Variants in TBCK observed in about 807,000 individuals in gnomAD.
The protein encoded by TBCK is TBC domain-containing protein kinase-like protein.
TBCK carries 99 observed loss-of-function variants against 113.4 expected under a neutral mutation model. The ratio of observed to expected loss-of-function variants is 0.87; its 90% CI spans 0.74 to 1.03. TBCK has a LOEUF of 1.03. Among genes scored for constraint, TBCK ranks in the 50% least tolerant of loss-of-function variants. The probability of loss-of-function intolerance (pLI) is 0.00; values close to 1 mark genes in which losing one functional copy is unlikely to be tolerated. For synonymous variants in TBCK, 369 were observed against 370.8 expected (o/e 1.00, Z 0.05); for missense variants, 1,045 against 1,061.3 (o/e 0.98, Z 0.21).
chr4:106,147,676 C>T (rs923749472), intron 23 of TBCK, among the ~76,000 whole-genome samples: 7 of 151,990 alleles, frequency 4.6e-5, no homozygotes, highest in Non-Finnish European at 7.4e-5. Context: ...TCTCATAAGC[C>T]GAGGAGGATG....
chr4:106,180,982 A>T (rs1467212571), intron 22 of TBCK, among the ~76,000 whole-genome samples: 3 of 152,160 alleles, frequency 2.0e-5, no homozygotes, highest in African/African-American at 4.8e-5. Context: ...TTACACTCCC[A>T]CCAACAGTGT....
chr4:106,128,127 T>G (rs973175659), intron 23 of TBCK, among the ~76,000 whole-genome samples: 1 of 152,158 alleles, frequency 6.6e-6, no homozygotes, highest in African/African-American at 2.4e-5. Context: ...GATTCAATAT[T>G]AGGAAAATTT....
chr4:106,316,403 A>G (rs1768880131), upstream of TBCK: 2 of 744,378 alleles, frequency 2.7e-6, no homozygotes, highest in Non-Finnish European at 4.6e-6. Context: ...GAAGACGAGG[A>G]GCGTGGTATG....
chr4:106,178,729 A>G lies in TBCK; in HGVS notation c.2060-7459T>C, dbSNP rs192998434. 6.5e-4 allele frequency among the ~76,000 whole-genome samples: 99 copies of G among 151,942 alleles called. 2 individuals are homozygous for G. Among genetic ancestry groups the G allele is most frequent in the African/African-American group, 2.3e-3 (94 of 41,496 alleles). ...AATTCAGTTGCTTGTATTTTTGTTG[A>G]GAATTTTTCATCTATGTCCATCAGG... On this transcript the variant is annotated intron_variant, in intron 22 of 25. Coordinates refer to ENST00000394708, the MANE Select transcript of TBCK (RefSeq NM_001163435.3).
At chr4:106,295,524 G>C (rs115470984) in intron 2 of TBCK, among the ~76,000 whole-genome samples, 1,969 of 152,118 alleles carry the variant, frequency 0.013, 23 homozygotes, top group Non-Finnish European at 0.021. Context: ...TGAAAGAAGG[G>C]AAAAGGAGCT....
rs1734144437 is a variant in TBCK, at chr4:106,045,536, C to T, written c.*1034G>A. 6.6e-6 allele frequency: 1 copy of T among 152,162 alleles called. No individual in the cohort carries two copies. The highest frequency in any genetic ancestry group is 2.4e-5 in the African/African-American group (1 of 41,426). The allele number at this position is 152,162 out of a possible 1,614,324, so 9.4% of individuals were successfully genotyped here. A position where few individuals can be genotyped will look rare whatever the true frequency, so the allele number is the denominator to read the frequency against. ...GATCAACCACCCAAAGACTCTATTTCCAGTTTTCCTTAAAGCTAGGTGTGG... is the reference window on the plus strand; with the variant it reads ...GATCAACCACCCAAAGACTCTATTTTCAGTTTTCCTTAAAGCTAGGTGTGG... On this transcript the variant is annotated 3_prime_UTR_variant, in exon 26 of 26. Coordinates refer to ENST00000394708, the MANE Select transcript of TBCK (RefSeq NM_001163435.3).
At chr4:106,066,926 C>T (rs1736711761) in intron 25 of TBCK, among the ~76,000 whole-genome samples, 2 of 151,980 alleles carry the variant, frequency 1.3e-5, no homozygotes, top group South Asian at 4.1e-4. Flanking sequence ...TGTTGATAGA[C>T]ACTTGGGTTG....
At position 106,041,972 on chromosome 4, in the gene TBCK, G is replaced by A. The variant is rs1578731384; in HGVS notation, c.*4598C>T. Reference sequence around the variant, plus strand: ...TTCTAATATTGTATGAGATAAAACTGGATTACAAAACCTAAAGGTTGTGTG... The same window carrying A: ...TTCTAATATTGTATGAGATAAAACTAGATTACAAAACCTAAAGGTTGTGTG... On this transcript the variant is annotated 3_prime_UTR_variant, in exon 26 of 26. Transcript: ENST00000394708. 1 of 152,152 alleles carries A rather than the reference G, an allele frequency of 6.6e-6. No individual in the cohort carries two copies. Among genetic ancestry groups the A allele is most frequent in the African/African-American group, 2.4e-5 (1 of 41,430 alleles). 9.4% of individuals were successfully genotyped at this position (152,152 alleles called of 1,614,324 possible).
At chr4:106,060,538 C>T (rs1003410681) in intron 25 of TBCK, among the ~76,000 whole-genome samples, 1 of 151,772 alleles carries the variant, frequency 6.6e-6, no homozygotes, top group Admixed American at 6.6e-5. Flanking sequence ...AAAAAAGATT[C>T]CTTTCAAAAT....
chr4:106,210,432 A>G (rs1755992235), intron 20 of TBCK, among the ~76,000 whole-genome samples: 1 of 152,122 alleles, frequency 6.6e-6, no homozygotes, highest in African/African-American at 2.4e-5. Context: ...GGAATCTTGC[A>G]TTTTCTGCCT....
intron 25 of TBCK, among the ~76,000 whole-genome samples, chr4:106,057,022 A>C (rs1735511792): frequency 6.6e-6 from 1 of 151,822 alleles, no homozygotes; most frequent in Admixed American, 6.6e-5. Flanking sequence ...AGTGTTACAA[A>C]GAAAGTAAGG....
chr4:106,299,758 G>C (rs1260476050), intron 2 of TBCK, among the ~76,000 whole-genome samples: 2 of 152,076 alleles, frequency 1.3e-5, no homozygotes, highest in Non-Finnish European at 2.9e-5. Context: ...AAGCATTTAG[G>C]AATCATAATG....
intron 9 of TBCK, chr4:106,247,945 T>C (rs1466303111): frequency 4.8e-6 from 1 of 210,356 alleles, no homozygotes; most frequent in Non-Finnish European, 9.3e-6. Flanking sequence ...CTGATGTTAT[T>C]ATTGGGTCTA....
chr4:106,118,923 G>A (rs1169792808), intron 23 of TBCK, among the ~76,000 whole-genome samples: 1 of 152,186 alleles, frequency 6.6e-6, no homozygotes, highest in African/African-American at 2.4e-5. Flanking sequence ...TTCTGTGAAT[G>A]TGTATGTGTA....
chr4:106,107,751 C>G (rs1742343589), intron 24 of TBCK, among the ~76,000 whole-genome samples: 1 of 151,948 alleles, frequency 6.6e-6, no homozygotes, highest in East Asian at 1.9e-4. Context: ...AAAACAACCT[C>G]AAAGCTAATA....
chr4:106,071,074 A>C (rs1308105075), intron 25 of TBCK, among the ~76,000 whole-genome samples: 1 of 151,998 alleles, frequency 6.6e-6, no homozygotes, highest in Admixed American at 6.6e-5. Flanking sequence ...ATTTTTTGAA[A>C]GGTTTTTTGT....
chr4:106,173,095 A>C (rs1440607288), intron 22 of TBCK, among the ~76,000 whole-genome samples: 1 of 152,162 alleles, frequency 6.6e-6, no homozygotes, highest in Admixed American at 6.6e-5. Flanking sequence ...ATGGCTACAA[A>C]AAGAGGTCAG....
intron 19 of TBCK, among the ~76,000 whole-genome samples, chr4:106,223,282 TGTTACA>T (rs1757904327): frequency 2.0e-5 from 3 of 152,162 alleles, no homozygotes; most frequent in Admixed American, 2.0e-4. Flanking sequence ...TCGCTCTCAT[TGTTACA>T]GTTTGGTGGG....
intron 20 of TBCK, among the ~76,000 whole-genome samples, chr4:106,205,733 G>C (rs1013111369): frequency 4.0e-5 from 6 of 150,302 alleles, no homozygotes; most frequent in African/African-American, 1.5e-4. Context: ...TGCACTTCCA[G>C]CCTGAGTGAT....
Sources: gnomAD v4.1 joint callset for allele counts (sites outside exome capture counted in the v4.1 genomes callset) on GRCh38, gnomAD v4.1.1 for gene constraint, MANE v1.5 for transcripts, NCBI Gene and HGNC (gene_info 2026-07-23, HGNC 2026-07-21) for gene names.